The following USP7 variants were observed in gnomAD, a reference collection of about 807,000 sequenced individuals.
USP7 encodes the protein ubiquitin C-terminal hydrolase 7.
USP7 carries 9 observed loss-of-function variants against 162.9 expected under a neutral mutation model. That is an observed-to-expected ratio of 0.06 (90% CI 0.03 to 0.10). The LOEUF is 0.10. Ranked by LOEUF, USP7 falls within the 10% of genes least tolerant of loss-of-function variation. The pLI, the probability that USP7 is intolerant of heterozygous loss-of-function variation, is 1.00. For missense variants in USP7, 715 were observed against 1,373.7 expected (o/e 0.52, Z 7.58); for synonymous variants, 562 against 475.9 (o/e 1.18, Z -2.35).
chr16:8,906,004 G>A (rs971427578), intron 13 of USP7, among the ~76,000 whole-genome samples: 5 of 152,194 alleles, frequency 3.3e-5, no homozygotes, highest in Non-Finnish European at 5.9e-5. Context: ...TGAGTATGGC[G>A]CCCTCTACAC....
At chr16:8,894,518 A>G in intron 30 of USP7, 32 bp downstream of exon 30, 1 of 1,542,942 alleles carries the variant, frequency 6.5e-7, no homozygotes, top group Non-Finnish European at 8.7e-7. Context: ...TCTGAAACCC[A>G]CACCAGCCCC....
intron 2 of USP7, among the ~76,000 whole-genome samples, chr16:8,926,641 C>T (rs1596386281): frequency 6.6e-6 from 1 of 152,164 alleles, no homozygotes; most frequent in African/African-American, 2.4e-5. Flanking sequence ...TACACTGGAT[C>T]CTATGTATTA....
Position 8,956,757 on chromosome 16 carries a change from C to T in USP7, c.79+6450G>A, listed in dbSNP as rs184305628. Among the ~76,000 whole-genome samples, 28 of 146,440 alleles carry T rather than the reference C, an allele frequency of 1.9e-4. 1 individual carries two copies. In the Admixed American group the frequency reaches 2.0e-3, roughly 10 times the overall value. ...CAGCCTGGGTAACGAATTAAGACTT[C>T]GTATTAAAAAAACAAAAACAAAAAA... On this transcript the variant is annotated intron_variant, in intron 1 of 30. Transcript: ENST00000344836.
chr16:8,934,412 C>A (rs1247969734), intron 1 of USP7, among the ~76,000 whole-genome samples: 1 of 152,176 alleles, frequency 6.6e-6, no homozygotes, highest in Non-Finnish European at 1.5e-5. Context: ...CCAAAAGTTA[C>A]AGCAATAATA....
rs577271254 is a variant in USP7, at chr16:8,908,458, T to A, written c.1162-8A>T. On this transcript the variant is annotated splice_polypyrimidine_tract_variant and splice_region_variant and intron_variant, in intron 11 of 30. Coordinates refer to ENST00000344836, the MANE Select transcript of USP7 (RefSeq NM_003470.3). ...CACACCTTTCTCTGCTTCCTAAACA[T>A]TGAAAAACAAATGCAAATGTAGTTA... 1.2e-6 allele frequency: 2 copies of A among 1,603,848 alleles called. 1 individual carries two copies. Among genetic ancestry groups the A allele is most frequent in the African/African-American group, 2.7e-5 (2 of 74,428 alleles).
At chr16:8,951,953 T>G (rs982482910) in intron 1 of USP7, among the ~76,000 whole-genome samples, 3 of 152,166 alleles carry the variant, frequency 2.0e-5, no homozygotes, top group African/African-American at 7.2e-5. Flanking sequence ...CTTTCTATAT[T>G]CAAAGCATGT....
intron 1 of USP7, chr16:8,962,683 G>C (rs1058329): frequency 0.89 from 171,541 of 192,088 alleles, 77,102 homozygotes; most frequent in South Asian, 0.95. Flanking sequence ...TTCCTTGCAG[G>C]TATTTTCGAA....
rs1900090609 is a variant in USP7, at chr16:8,963,187, G to A, written c.79+20C>T. On this transcript the variant is annotated intron_variant, in intron 1 of 30. Coordinates refer to ENST00000344836, the MANE Select transcript of USP7 (RefSeq NM_003470.3). The stretch of plus-strand genomic sequence containing the variant: ...GAAAGGCGCCCCCCGGCCCCGCCGC[G>A]GCCGGCCCTCGGGCCTCACCTTCCA... 1 of 1,403,234 alleles carries A rather than the reference G, an allele frequency of 7.1e-7. No homozygotes were observed. The highest frequency in any genetic ancestry group is 9.4e-7 in the Non-Finnish European group (1 of 1,068,770). The allele number at this position is 1,403,234 out of a possible 1,614,324, so 86.9% of individuals were successfully genotyped here. A position where few individuals can be genotyped will look rare whatever the true frequency, so the allele number is the denominator to read the frequency against.
At chr16:8,906,706 G>C in intron 12 of USP7, 124 bp from the exon 13 acceptor site, 1 of 979,102 alleles carries the variant, frequency 1.0e-6, no homozygotes, top group Non-Finnish European at 1.5e-6. Flanking sequence ...AATTGCCTTG[G>C]GAAGGCCTAT....
intron 13 of USP7, 143 bp downstream of exon 13, chr16:8,906,282 GA>G: frequency 1.1e-6 from 1 of 898,804 alleles, no homozygotes; most frequent in Non-Finnish European, 1.6e-6. Flanking sequence ...AAATGGATGG[GA>G]AAACAGCATT....
At chr16:8,903,865 C>T (rs1356382545) in intron 15 of USP7, among the ~76,000 whole-genome samples, 1 of 121,134 alleles carries the variant, frequency 8.3e-6, no homozygotes, top group Non-Finnish European at 1.8e-5. Flanking sequence ...GAAACTCTGT[C>T]TCAAAAAAAA....
intron 2 of USP7, among the ~76,000 whole-genome samples, chr16:8,925,365 A>G (rs1024019502): frequency 1.3e-5 from 2 of 152,228 alleles, no homozygotes; most frequent in African/African-American, 4.8e-5. Flanking sequence ...ACTGCACAGA[A>G]GCAACCAAAT....
chr16:8,947,969 T>C (rs971315197), intron 1 of USP7, among the ~76,000 whole-genome samples: 1 of 152,178 alleles, frequency 6.6e-6, no homozygotes, highest in African/African-American at 2.4e-5. Flanking sequence ...GCTCCATTAC[T>C]GCCCTGGAAG....
intron 1 of USP7, among the ~76,000 whole-genome samples, chr16:8,944,260 T>C (rs12449090): frequency 0.38 from 56,918 of 150,408 alleles, 12,108 homozygotes; most frequent in East Asian, 0.66. Flanking sequence ...GCCAAAATAC[T>C]GGCTGAGGCT....
At chr16:8,934,359 A>C (rs1898554991) in intron 1 of USP7, among the ~76,000 whole-genome samples, 2 of 152,234 alleles carry the variant, frequency 1.3e-5, no homozygotes, top group Non-Finnish European at 2.9e-5. Flanking sequence ...TTAGAGCTCA[A>C]AGAAGGGCTT....
intron 10 of USP7, among the ~76,000 whole-genome samples, chr16:8,912,387 T>G (rs546945510): frequency 6.8e-6 from 1 of 147,704 alleles, no homozygotes; most frequent in African/African-American, 2.5e-5. Flanking sequence ...GAGACAAAGG[T>G]TGTAGTGAGC....
At chr16:8,896,673 T>TA (rs2061685730) in intron 26 of USP7, among the ~76,000 whole-genome samples, 1 of 152,194 alleles carries the variant, frequency 6.6e-6, no homozygotes, top group African/African-American at 2.4e-5. Flanking sequence ...TTGGCTTTTC[T>TA]ATGGGAACTG....
chr16:8,959,172 G>A (rs1354969140), intron 1 of USP7, among the ~76,000 whole-genome samples: 1 of 152,122 alleles, frequency 6.6e-6, no homozygotes, highest in Non-Finnish European at 1.5e-5. Context: ...CCTCCTTTAA[G>A]GGATGGAGAA....
intron 22 of USP7, 75 bp downstream of exon 22, chr16:8,899,529 T>A: frequency 1.3e-6 from 2 of 1,569,462 alleles, no homozygotes. Flanking sequence ...GATAGCTTCT[T>A]CAACAAGCAT....
Sources: allele counts gnomAD v4.1 joint callset (sites outside exome capture counted in the v4.1 genomes callset), GRCh38; gene constraint gnomAD v4.1.1; transcripts MANE v1.5; gene names NCBI Gene and HGNC (gene_info 2026-07-23, HGNC 2026-07-21).